Variants in SEC16B observed in about 807,000 individuals in gnomAD.
The protein encoded by SEC16B is protein transport protein Sec16B.
Under a neutral mutation model 141.8 loss-of-function variants are expected in SEC16B, and 115 were observed. The ratio of observed to expected loss-of-function variants is 0.81; its 90% CI spans 0.70 to 0.95. The LOEUF is 0.95. Among genes scored for constraint, SEC16B ranks in the 40% least tolerant of loss-of-function variants. The pLI is 0.00. For missense variants in SEC16B, 1,291 were observed against 1,312.3 expected (o/e 0.98, Z 0.25); for synonymous variants, 493 against 492.5 (o/e 1.00, Z -0.01).
intron 25 of SEC16B, 77 bp from the exon 26 acceptor site, chr1:177,930,006 G>C: frequency 7.0e-7 from 1 of 1,425,444 alleles, no homozygotes; most frequent in African/African-American, 1.4e-5. Flanking sequence ...GACAGATGGA[G>C]CTAGGGCACC....
rs371122054 is a variant in SEC16B, at chr1:177,936,257, T to C, written c.2571+41A>G. 29 of 1,545,204 alleles carry C rather than the reference T, an allele frequency of 1.9e-5. 1 individual carries two copies. The East Asian group carries it at 3.0e-4, about 16-fold the overall frequency. On this transcript the variant is annotated intron_variant, in intron 20 of 25. Transcript: ENST00000308284. The stretch of plus-strand genomic sequence containing the variant: ...AGGCAACTGGTAAAAACCAGAAGCA[T>C]TTGAGTGGGCAGTGGCATCTTTTAT...
At chr1:177,973,875 C>T (rs1397642916), upstream of SEC16B, among the ~76,000 whole-genome samples, 1 of 152,028 alleles carries the variant, frequency 6.6e-6, no homozygotes, top group Non-Finnish European at 1.5e-5. Context: ...AGAAGCACAG[C>T]GGAAAGCAGG....
intron 25 of SEC16B, 25 bp from the exon 26 acceptor site, chr1:177,929,954 A>G (rs745890795): frequency 6.2e-7 from 1 of 1,610,912 alleles, no homozygotes; most frequent in Non-Finnish European, 8.5e-7. Flanking sequence ...CAAATATTAC[A>G]CTGAGTACAG....
intron 12 of SEC16B, among the ~76,000 whole-genome samples, chr1:177,951,685 C>T (rs1243547087): frequency 6.6e-6 from 1 of 152,220 alleles, no homozygotes; most frequent in African/African-American, 2.4e-5. Context: ...ACCTTTGGAG[C>T]TCAGTTTCCA....
At position 177,965,104 on chromosome 1, in the gene SEC16B, T is replaced by C. The variant is rs1653409110; in HGVS notation, c.476A>G (p.Glu159Gly). ...EDYREQKYLD[E>G]HHYENQHSPF... ...ACTGTGCTGGTTTTCATAATGATGT[T>C]CATCAAGGTACTTTTGCTCTCGGTA... Residue 159 changes from glutamate to glycine, a missense_variant, in exon 4 of 26, where the codon GAA becomes GGA. Physicochemically the swap from Glu to Gly is moderately conservative, Grantham distance 98 (BLOSUM62 -2). Around this residue, in one of 3 missense-constraint regions of SEC16B, gnomAD observed 681 missense variants for 675.5 expected, o/e 1.01. Coordinates refer to ENST00000308284, the MANE Select transcript of SEC16B (RefSeq NM_033127.4). The C allele has an allele frequency of 6.2e-7, 1 of 1,613,650 alleles. No individual in the cohort carries two copies. The highest frequency in any genetic ancestry group is 2.2e-5 in the East Asian group (1 of 44,868).
intron 1 of SEC16B, among the ~76,000 whole-genome samples, chr1:177,978,653 A>C (rs1233793668): frequency 6.6e-6 from 1 of 151,988 alleles, no homozygotes; most frequent in African/African-American, 2.4e-5. Flanking sequence ...GCAGTGAACT[A>C]TGATCATACT....
intron 16 of SEC16B, 116 bp from the exon 17 acceptor site, chr1:177,940,830 C>A: frequency 1.7e-6 from 1 of 599,610 alleles, no homozygotes; most frequent in Non-Finnish European, 2.9e-6. Context: ...AGAAAGAGAG[C>A]CTTAACTAAC....
intron 21 of SEC16B, 82 bp from the exon 22 acceptor site, chr1:177,933,394 T>C (rs974110538): frequency 6.4e-7 from 1 of 1,562,028 alleles, no homozygotes; most frequent in African/African-American, 1.4e-5. Context: ...CATGTAACCA[T>C]CAGAGCCCAG....
rs755119544 is a variant in SEC16B, at chr1:177,932,785, GAGA to G, written c.2842_2844del (p.Ser948del). The G allele has an allele frequency of 9.3e-6, 15 of 1,612,488 alleles. No homozygotes were observed. In the African/African-American group the frequency reaches 1.7e-4, roughly 19 times the overall value. On this transcript the variant is annotated inframe_deletion, in exon 23 of 26. Transcript: ENST00000308284. ...GAGAGGCCCAGGCCAGCCTGGTGGG[GAGA>G]AGATGCTCTGGGGGTCTCCTGCTTT...
intron 1 of SEC16B, among the ~76,000 whole-genome samples, chr1:177,980,131 C>T (rs1455673667): frequency 2.6e-5 from 4 of 152,164 alleles, no homozygotes; most frequent in Admixed American, 6.5e-5. Flanking sequence ...GCTTGCTAGA[C>T]GTATTCCCTT....
intron 7 of SEC16B, 68 bp downstream of exon 7, chr1:177,960,723 G>A (rs1652991405): frequency 6.7e-7 from 1 of 1,486,322 alleles, no homozygotes; most frequent in East Asian, 2.4e-5. Flanking sequence ...AGGAAAGCAA[G>A]GTAAGCATGT....
chr1:177,960,275 C>T, intron 8 of SEC16B, 67 bp downstream of exon 8: 1 of 1,022,412 alleles, frequency 9.8e-7, no homozygotes, highest in East Asian at 2.5e-5. Flanking sequence ...CTCCAAAATG[C>T]TGATCTGGGC....
At chr1:177,952,131 T>G (rs1652242190) in intron 11 of SEC16B, 136 bp from the exon 12 acceptor site, 2 of 721,716 alleles carry the variant, frequency 2.8e-6, no homozygotes, top group East Asian at 5.4e-5. Flanking sequence ...CTTTGCTTTC[T>G]GCTGTGCCTC....
At chr1:177,942,145 T>A in intron 15 of SEC16B, 105 bp from the exon 16 acceptor site, 1 of 1,263,394 alleles carries the variant, frequency 7.9e-7, no homozygotes, top group South Asian at 1.6e-5. Context: ...TTCCGCTAAC[T>A]CTGGCATCCA....
At chr1:177,958,598 A>G (rs749182634) in intron 9 of SEC16B, among the ~76,000 whole-genome samples, 90 of 152,324 alleles carry the variant, frequency 5.9e-4, no homozygotes, top group Admixed American at 1.2e-3. Flanking sequence ...TTTCACAGGT[A>G]TATTATCTGG....
At chr1:177,937,542 T>C in intron 18 of SEC16B, 29 bp from the exon 19 acceptor site, 1 of 1,474,872 alleles carries the variant, frequency 6.8e-7, no homozygotes, top group South Asian at 1.4e-5. Flanking sequence ...GGTAAAGAAG[T>C]CAGACCTGAA....
chr1:177,949,079 C>A (rs1651964974), intron 12 of SEC16B, among the ~76,000 whole-genome samples: 1 of 152,110 alleles, frequency 6.6e-6, no homozygotes, highest in Admixed American at 6.6e-5. Flanking sequence ...TTCATAATTA[C>A]TTGGTCTTTG....
chr1:177,966,740 T>C (rs1012499996), intron 2 of SEC16B, among the ~76,000 whole-genome samples: 1 of 151,916 alleles, frequency 6.6e-6, no homozygotes, highest in South Asian at 2.1e-4. Context: ...TTTTTTTGTT[T>C]TGTTTTGTAT....
In SEC16B at chr1:177,961,577, T is replaced by C. The variant is rs201612531; in HGVS notation, c.787+13A>G. 23 of 1,602,170 alleles carry C rather than the reference T, an allele frequency of 1.4e-5. No individual in the cohort carries two copies. Among genetic ancestry groups the C allele is most frequent in the Non-Finnish European group, 1.9e-5 (22 of 1,176,888 alleles). On this transcript the variant is annotated intron_variant, in intron 6 of 25. Transcript: ENST00000308284. ...CAGATTCAATCAACTCTTCTGATCA[T>C]TTTAGAACCCACCAGCCTGAACTGG...
Sources: gnomAD v4.1 joint callset for allele counts (sites outside exome capture counted in the v4.1 genomes callset) on GRCh38, gnomAD v4.1.1 for gene constraint, gnomAD v4.1.1 regional missense constraint, MANE v1.5 for transcripts, NCBI Gene and HGNC (gene_info 2026-07-23, HGNC 2026-07-21) for gene names.